The following RTTN variants were observed in gnomAD, a reference collection of about 807,000 sequenced individuals.
The protein encoded by RTTN is rotatin.
A neutral mutation model predicts 269.2 loss-of-function variants in RTTN; 182 were observed. The ratio of observed to expected loss-of-function variants is 0.68; its 90% CI spans 0.60 to 0.76. RTTN has a LOEUF of 0.76. RTTN is among the 30% of genes least tolerant of loss of function. RTTN has a pLI of 0.00. For synonymous variants in RTTN, 1,006 were observed against 963.5 expected, an observed-to-expected ratio of 1.04 and a Z score of -0.82; for missense variants, 2,545 against 2,608.6, an observed-to-expected ratio of 0.98 and a Z score of 0.53.
intron 40 of RTTN, among the ~76,000 whole-genome samples, chr18:70,034,207 A>C (rs117708277): frequency 1.3e-5 from 2 of 152,304 alleles, no homozygotes; most frequent in Admixed American, 1.3e-4. Context: ...AATTCATTCT[A>C]TGAGGCTAGC....
intron 10 of RTTN, among the ~76,000 whole-genome samples, chr18:70,184,399 C>CA (rs1182420464): frequency 2.0e-5 from 3 of 151,786 alleles, no homozygotes; most frequent in African/African-American, 4.8e-5. Flanking sequence ...ACTAAAAATA[C>CA]AAAAAAATTA....
At chr18:70,092,578 ATTT>A in intron 29 of RTTN, 95 bp downstream of exon 29, 1 of 1,383,118 alleles carries the variant, frequency 7.2e-7, no homozygotes, top group East Asian at 2.3e-5. Flanking sequence ...CAAAAGAGAC[ATTT>A]TCATGTGGCA....
At chr18:70,015,312 C>G (rs982266721) in intron 46 of RTTN, among the ~76,000 whole-genome samples, 5 of 152,092 alleles carry the variant, frequency 3.3e-5, no homozygotes, top group Admixed American at 2.6e-4. Flanking sequence ...ATCCACCCAC[C>G]ACGGTCTCCC....
intron 40 of RTTN, among the ~76,000 whole-genome samples, chr18:70,042,505 A>G (rs1416860193): frequency 6.6e-6 from 1 of 150,384 alleles, no homozygotes. Context: ...CCTCCCGAGT[A>G]GCTGGGACTA....
chr18:70,155,783 T>C (rs528383522), intron 14 of RTTN, among the ~76,000 whole-genome samples: 156 of 152,254 alleles, frequency 1.0e-3, no homozygotes, highest in Non-Finnish European at 2.0e-3. Context: ...ATGTGGATTG[T>C]GAAGATTTCA....
intron 4 of RTTN, 115 bp from the exon 5 acceptor site, chr18:70,199,619 C>T (rs1161551046): frequency 3.0e-6 from 2 of 673,266 alleles, no homozygotes; most frequent in Non-Finnish European, 5.1e-6. Flanking sequence ...CTGCATCTTA[C>T]AGTAACCTAA....
intron 15 of RTTN, 116 bp downstream of exon 15, chr18:70,150,492 A>C: frequency 1.1e-6 from 1 of 930,978 alleles, no homozygotes; most frequent in South Asian, 1.5e-5. Flanking sequence ...CAATGCACCA[A>C]AGACAGGTTT....
intron 19 of RTTN, among the ~76,000 whole-genome samples, chr18:70,140,905 C>T (rs1208157761): frequency 1.3e-5 from 2 of 152,052 alleles, no homozygotes; most frequent in South Asian, 4.1e-4. Context: ...CCTATATTCT[C>T]ATTAGGAAAA....
chr18:70,031,379 C>T, intron 40 of RTTN: 1 of 399,476 alleles, frequency 2.5e-6, no homozygotes, highest in Non-Finnish European at 4.4e-6. Context: ...TCTGGGGACA[C>T]ATTCCCCTCT....
chr18:70,028,580 ACT>A, intron 43 of RTTN, 142 bp downstream of exon 43: 2 of 528,582 alleles, frequency 3.8e-6, no homozygotes, highest in Non-Finnish European at 6.7e-6. Context: ...GACAATTAAC[ACT>A]GAGTTTAAGG....
chr18:70,067,780 C>G (rs1009365841), intron 34 of RTTN, among the ~76,000 whole-genome samples: 1 of 152,132 alleles, frequency 6.6e-6, no homozygotes, highest in East Asian at 1.9e-4. Flanking sequence ...GCGGTTTCAA[C>G]GATCGGTGTG....
At chr18:70,171,013 G>A (rs2145938755) in intron 11 of RTTN, among the ~76,000 whole-genome samples, 1 of 151,716 alleles carries the variant, frequency 6.6e-6, no homozygotes, top group East Asian at 1.9e-4. Flanking sequence ...TTTGGAAGGG[G>A]AAACAAAGAA....
At chr18:70,167,514 G>T (rs2061020323) in intron 12 of RTTN, among the ~76,000 whole-genome samples, 1 of 152,136 alleles carries the variant, frequency 6.6e-6, no homozygotes, top group South Asian at 2.1e-4. Flanking sequence ...TTGAGGTCAG[G>T]AGTTCAAGAC....
At chr18:70,020,435 C>A (rs2056669108) in intron 45 of RTTN, among the ~76,000 whole-genome samples, 180 bp downstream of exon 45, 1 of 152,218 alleles carries the variant, frequency 6.6e-6, no homozygotes, top group South Asian at 2.1e-4. Flanking sequence ...TCCTGTCCTT[C>A]TGCACGTGTC....
At position 70,088,009 on chromosome 18, in the gene RTTN, A is replaced by C. The variant is rs763290007; in HGVS notation, c.4282T>G (p.Cys1428Gly). The change falls in exon 31 of 49, where the codon TGT becomes GGT. Residue 1428 changes from cysteine to glycine, a missense_variant. Cys to Gly is a radical substitution (Grantham distance 159). Transcript: ENST00000640769. The stretch of plus-strand genomic sequence containing the variant: ...CATACCTCCCGGCGCACCATACTAC[A>C]TTCTGACTGGTCCAGAAGAATGTTC... ...VVNILLDQSE[C>G]SMVRREAAFI... The C allele has an allele frequency of 3.4e-5, 55 of 1,613,490 alleles. No homozygotes were observed. Among genetic ancestry groups the C allele is most frequent in the Non-Finnish European group, 4.6e-5 (54 of 1,179,768 alleles).
Position 70,197,709 on chromosome 18 carries a change from A to ATG in RTTN, c.607_608insCA (p.Ile203ThrfsTer9). On this transcript the variant is annotated frameshift_variant, in exon 6 of 49. Transcript: ENST00000640769. LOFTEE classifies it high-confidence loss of function. Reference sequence around the variant, plus strand: ...CTTCAATAGTTCACAGGTGTTCCAGATTAAAGTGTGGTTACTACTTCTTAA... The same window carrying ATG: ...CTTCAATAGTTCACAGGTGTTCCAGATGTTAAAGTGTGGTTACTACTTCTTAA... 4 of 1,611,866 alleles carry ATG rather than the reference A, an allele frequency of 2.5e-6. No homozygotes were observed. Among genetic ancestry groups the ATG allele is most frequent in the Non-Finnish European group, 3.4e-6 (4 of 1,177,974 alleles).
chr18:70,049,723 CT>C (rs1386968959), intron 39 of RTTN, among the ~76,000 whole-genome samples: 1 of 151,986 alleles, frequency 6.6e-6, no homozygotes, highest in Non-Finnish European at 1.5e-5. Flanking sequence ...TAAAAAACAG[CT>C]TTTTTCTATG....
At position 70,017,641 on chromosome 18, in the gene RTTN, A is replaced by C. The variant is rs748843954; in HGVS notation, c.6187T>G (p.Leu2063Val). 9.9e-6 allele frequency: 16 copies of C among 1,613,222 alleles called. No homozygotes were observed. Among genetic ancestry groups the C allele is most frequent in the Non-Finnish European group, 1.4e-5 (16 of 1,179,504 alleles). Residue 2063 changes from leucine (L) to valine (V), a missense_variant, in exon 46 of 49, where the codon TTG becomes GTG. Coordinates refer to ENST00000640769, the MANE Select transcript of RTTN (RefSeq NM_173630.4). ...AGATGTTTATTTCCTCCTTTTGGCA[A>C]TGCTAGAGAGAGGAAGTTCTGTAAG... is the stretch of plus-strand genomic sequence containing the variant. Reference protein sequence around the residue: ...NFLQNFLSLALPKGGNKHLSN... With the variant: ...NFLQNFLSLAVPKGGNKHLSN...
intron 7 of RTTN, among the ~76,000 whole-genome samples, chr18:70,195,129 C>G (rs1048689301): frequency 2.5e-4 from 38 of 152,276 alleles, no homozygotes; most frequent in African/African-American, 8.7e-4. Context: ...TCTCTGATGT[C>G]ACCTCATTCT....
Sources: allele counts gnomAD v4.1 joint callset (sites outside exome capture counted in the v4.1 genomes callset), GRCh38; gene constraint gnomAD v4.1.1; transcripts MANE v1.5; gene names NCBI Gene and HGNC (gene_info 2026-07-23, HGNC 2026-07-21).